ADAM20: variants seen among roughly 807,000 people sequenced by gnomAD.
ADAM20 encodes disintegrin and metalloproteinase domain-containing protein 20.
For missense variants in ADAM20, 871 were observed against 883.2 expected, an observed-to-expected ratio of 0.99 and a Z score of 0.18; for synonymous variants, 305 against 310.2, an observed-to-expected ratio of 0.98 and a Z score of 0.18.
the ADAM20 span, among the ~76,000 whole-genome samples, chr14:70,540,753 G>A: frequency 6.6e-6 from 1 of 152,140 alleles, no homozygotes; most frequent in South Asian, 2.1e-4. Context: ...TTTGGCAAAG[G>A]ACTATCATCA....
chr14:70,542,713 C>T, the ADAM20 span, among the ~76,000 whole-genome samples: 7,653 of 152,166 alleles, frequency 0.05, 379 homozygotes, highest in African/African-American at 0.12. Flanking sequence ...CCAAGGTGGG[C>T]GGATCACCTG....
chr14:70,536,219 A>G (rs532032221), upstream of ADAM20, among the ~76,000 whole-genome samples: 150 of 152,192 alleles, frequency 9.9e-4, no homozygotes, highest in Non-Finnish European at 1.9e-3. Flanking sequence ...TAATCCTAGC[A>G]CTTTGAGAGG....
chr14:70,562,232 G>C, the ADAM20 span, among the ~76,000 whole-genome samples: 1 of 152,230 alleles, frequency 6.6e-6, no homozygotes, highest in Non-Finnish European at 1.5e-5. Context: ...GGAGCTTTAA[G>C]ATTTAATGAC....
chr14:70,564,420 CTATAGTT>C, the ADAM20 span, among the ~76,000 whole-genome samples: 1 of 151,742 alleles, frequency 6.6e-6, no homozygotes, highest in Non-Finnish European at 1.5e-5. Context: ...GGGTGCCTCT[CTATAGTT>C]TATACTGTTC....
Position 70,523,902 on chromosome 14 carries a change from T to G in ADAM20, c.856A>C (p.Asn286His), listed in dbSNP as rs980453243. 3 of 1,614,016 alleles carry G rather than the reference T, an allele frequency of 1.9e-6. No homozygotes were observed. The African/African-American group carries it at 4.0e-5, about 22-fold the overall frequency. ...TCATGTTGTAGTCGATTATTAAGGT[T>G]ATAATTCTTCCAAATAGAAAAGTCC... is the stretch of plus-strand genomic sequence containing the variant. ...LEDFSIWKNY[N>H]LNNRLQHDVA... Residue 286 changes from asparagine (N) to histidine (H), a missense_variant, in exon 2 of 2, where the codon AAC becomes CAC. By Grantham distance (68) the Asn-to-His change is moderately conservative. Transcript: ENST00000256389.
chr14:70,568,358 G>GA, the ADAM20 span, among the ~76,000 whole-genome samples: 1 of 134,384 alleles, frequency 7.4e-6, no homozygotes. Flanking sequence ...ATACCCTAAA[G>GA]GGAAAAAGGA....
intron 1 of ADAM20, among the ~76,000 whole-genome samples, chr14:70,528,620 A>G (rs1401282106): frequency 6.6e-6 from 1 of 152,200 alleles, no homozygotes; most frequent in African/African-American, 2.4e-5. Flanking sequence ...TAATCTGACC[A>G]TGCCAGATTT....
chr14:70,567,797 A>G, the ADAM20 span, among the ~76,000 whole-genome samples: 2 of 152,146 alleles, frequency 1.3e-5, no homozygotes, highest in Admixed American at 6.5e-5. Context: ...CTGCTCTGCA[A>G]CCAGGAACCA....
the ADAM20 span, among the ~76,000 whole-genome samples, chr14:70,553,791 T>C: frequency 6.6e-6 from 1 of 150,572 alleles, no homozygotes; most frequent in Non-Finnish European, 1.5e-5. Context: ...TACCTCAACA[T>C]AAAAAAAGCC....
At chr14:70,559,338 C>T in the ADAM20 span, among the ~76,000 whole-genome samples, 9 of 150,424 alleles carry the variant, frequency 6.0e-5, no homozygotes, top group African/African-American at 2.2e-4. Context: ...TACCACACAA[C>T]CGATCTGTCA....
the ADAM20 span, among the ~76,000 whole-genome samples, chr14:70,576,572 A>G: frequency 6.6e-6 from 1 of 152,156 alleles, no homozygotes; most frequent in Admixed American, 6.6e-5. Context: ...TCATGTACTC[A>G]ATAGCCATAA....
the ADAM20 span, among the ~76,000 whole-genome samples, chr14:70,565,316 G>A: frequency 6.6e-6 from 1 of 151,668 alleles, no homozygotes; most frequent in African/African-American, 2.4e-5. Flanking sequence ...CATTATGGAA[G>A]GCCCAGAGGA....
chr14:70,533,231 C>T (rs1883751721), intron 1 of ADAM20, among the ~76,000 whole-genome samples: 1 of 152,084 alleles, frequency 6.6e-6, no homozygotes, highest in Non-Finnish European at 1.5e-5. Context: ...ACCATTTAAC[C>T]CAGCAATCCC....
the ADAM20 span, among the ~76,000 whole-genome samples, chr14:70,577,551 G>A: frequency 6.6e-6 from 1 of 152,106 alleles, no homozygotes; most frequent in Non-Finnish European, 1.5e-5. Flanking sequence ...CTACTTTCAA[G>A]CCTTGAAAGA....
At chr14:70,567,864 G>A in the ADAM20 span, among the ~76,000 whole-genome samples, 1 of 152,126 alleles carries the variant, frequency 6.6e-6, no homozygotes, top group African/African-American at 2.4e-5. Flanking sequence ...TAGGGAAGCA[G>A]ATGGCATTCC....
chr14:70,569,233 T>C, the ADAM20 span, among the ~76,000 whole-genome samples: 1 of 152,158 alleles, frequency 6.6e-6, no homozygotes, highest in Admixed American at 6.5e-5. Context: ...GTTAAGGGAA[T>C]TTGTCTCCAC....
At chr14:70,577,693 A>G in the ADAM20 span, among the ~76,000 whole-genome samples, 8 of 152,220 alleles carry the variant, frequency 5.3e-5, no homozygotes, top group African/African-American at 1.9e-4. Context: ...ACTGGTATAC[A>G]GACAGACGTA....
At position 70,522,995 on chromosome 14, in the gene ADAM20, T is replaced by C; in HGVS notation, c.1763A>G (p.Asp588Gly). 6.2e-7 allele frequency: 1 copy of C among 1,614,020 alleles called. No homozygotes were observed. The highest frequency in any genetic ancestry group is 8.5e-7 in the Non-Finnish European group (1 of 1,179,954). Residue 588 changes from aspartate to glycine, a missense_variant, in exon 2 of 2, where the codon GAC becomes GGC. Transcript: ENST00000256389. ...HSTVQQFHLN[D>G]TTCWGTDYHL... Reference sequence around the variant, plus strand: ...ATAATCAGTGCCCCAGCAAGTGGTGTCATTGAGGTGAAACTGCTGCACTGT... The same window carrying C: ...ATAATCAGTGCCCCAGCAAGTGGTGCCATTGAGGTGAAACTGCTGCACTGT...
chr14:70,545,683 T>A, the ADAM20 span, among the ~76,000 whole-genome samples: 2 of 152,224 alleles, frequency 1.3e-5, no homozygotes, highest in African/African-American at 4.8e-5. Flanking sequence ...TAAATATATA[T>A]GCACCTAACA....
Sources: allele counts gnomAD v4.1 joint callset (sites outside exome capture counted in the v4.1 genomes callset), GRCh38; gene constraint gnomAD v4.1.1; transcripts MANE v1.5; gene names NCBI Gene and HGNC (gene_info 2026-07-23, HGNC 2026-07-21).